The following RADIL variants were observed in gnomAD, a reference collection of about 807,000 sequenced individuals.
RADIL encodes the protein ras-associating and dilute domain-containing protein.
A neutral mutation model predicts 97.6 loss-of-function variants in RADIL; 99 were observed. The ratio of observed to expected loss-of-function variants is 1.01; its 90% confidence interval spans 0.86 to 1.20. The LOEUF is 1.20. RADIL is among the 50% of genes most tolerant of loss of function. RADIL has a pLI of 0.00. For synonymous variants in RADIL, 803 were observed against 691.8 expected, an observed-to-expected ratio of 1.16 and a Z score of -2.52; for missense variants, 1,765 against 1,498.9, an observed-to-expected ratio of 1.18 and a Z score of -2.93.
At chr7:4,808,578 A>C (rs916461172) in intron 9 of RADIL, 22 of 977,078 alleles carry the variant, frequency 2.3e-5, no homozygotes, top group Non-Finnish European at 2.7e-5. Flanking sequence ...GCGGCCGCAA[A>C]GCCCGAAGTC....
At chr7:4,809,084 G>A in intron 9 of RADIL, 1 of 982,428 alleles carries the variant, frequency 1.0e-6, no homozygotes, top group Non-Finnish European at 1.2e-6. Context: ...CGCGTCTCCT[G>A]TAGACGCTCT....
rs140550004 is a variant in RADIL, at chr7:4,801,572, G to A, written c.2842+81C>T. ...TAAGGAAACCTAGGACCCAAGGGGG[G>A]AACGATCCCAGGGGACCGGCCATCA... is the stretch of plus-strand genomic sequence containing the variant. On this transcript the variant is annotated intron_variant, in intron 12 of 14. Coordinates refer to ENST00000399583, the MANE Select transcript of RADIL (RefSeq NM_018059.5). 6.5e-4 allele frequency: 934 copies of A among 1,434,386 alleles called. 3 individuals are homozygous for A. The highest frequency in any genetic ancestry group is 4.7e-3 in the Middle Eastern group (19 of 4,072). 88.9% of individuals were successfully genotyped at this position (1,434,386 alleles called of 1,614,324 possible). A position where few individuals can be genotyped will look rare whatever the true frequency, so the allele number is the denominator to read the frequency against.
In RADIL at chr7:4,883,217, C is replaced by T. The variant is rs948944971; in HGVS notation, c.-65+379G>A. Among the ~76,000 whole-genome samples, 3 of 145,174 alleles carry T rather than the reference C, an allele frequency of 2.1e-5. No homozygotes were observed. Among genetic ancestry groups the T allele is most frequent in the Admixed American group, 1.3e-4 (2 of 15,076 alleles). Reference sequence around the variant, plus strand: ...CCCCCGCTGCGCGCCCCGGACGAAGCTCCCCCTCCAGGGCACAGCCGGGAA... The same window carrying T: ...CCCCCGCTGCGCGCCCCGGACGAAGTTCCCCCTCCAGGGCACAGCCGGGAA... On this transcript the variant is annotated intron_variant, in intron 1 of 14. Coordinates refer to ENST00000399583, the MANE Select transcript of RADIL (RefSeq NM_018059.5). This position sits in a 1 kb window ranked among gnomAD's most constrained non-coding sequence, Gnocchi z 7.1.
chr7:4,816,932 C>T lies in RADIL; in HGVS notation c.1728+307G>A, dbSNP rs140042089. 9.8e-3 allele frequency among the ~76,000 whole-genome samples: 1,498 copies of T among 152,292 alleles called. 27 individuals are homozygous for T. The highest frequency in any genetic ancestry group is 0.034 in the African/African-American group (1,431 of 41,564). ...CAACAGGGCCATGTCCCTTGCGCCCCATGCTGGGGCCTCCCCCACCTCATC... is the reference window on the plus strand; with the variant it reads ...CAACAGGGCCATGTCCCTTGCGCCCTATGCTGGGGCCTCCCCCACCTCATC... On this transcript the variant is annotated intron_variant, in intron 7 of 14. Coordinates refer to ENST00000399583, the MANE Select transcript of RADIL (RefSeq NM_018059.5).
In RADIL at chr7:4,876,880, C is replaced by T. The variant is rs373383479; in HGVS notation, c.535+725G>A. On this transcript the variant is annotated intron_variant, in intron 2 of 14. Coordinates refer to ENST00000399583, the MANE Select transcript of RADIL (RefSeq NM_018059.5). Reference sequence around the variant, plus strand: ...TGGAGACCTTGCAACCCGGCAATGCCACGTAGGTTTTGGCCTGGGACAGAT... The same window carrying T: ...TGGAGACCTTGCAACCCGGCAATGCTACGTAGGTTTTGGCCTGGGACAGAT... Among the ~76,000 whole-genome samples the T allele has an allele frequency of 2.4e-4, 37 of 152,342 alleles. No individual in the cohort carries two copies. In the East Asian group the frequency reaches 6.4e-3, roughly 26 times the overall value.
rs1392720878 is a variant in RADIL, at chr7:4,849,591, C to T, written c.536-12986G>A. Reference sequence around the variant, plus strand: ...TCCAAGGCATGAACATGCCTTCCAGCTGTTATCTGCAACAAACCTGCAGAC... The same window carrying T: ...TCCAAGGCATGAACATGCCTTCCAGTTGTTATCTGCAACAAACCTGCAGAC... On this transcript the variant is annotated intron_variant, in intron 2 of 14. Coordinates refer to ENST00000399583, the MANE Select transcript of RADIL (RefSeq NM_018059.5). This position sits in a 1 kb window ranked among gnomAD's most constrained non-coding sequence, Gnocchi z 5.4. Among the ~76,000 whole-genome samples, 1 of 152,172 alleles carries T rather than the reference C, an allele frequency of 6.6e-6. No individual in the cohort carries two copies. Among genetic ancestry groups the T allele is most frequent in the Non-Finnish European group, 1.5e-5 (1 of 68,038 alleles).
Position 4,817,017 on chromosome 7 carries a change from G to C in RADIL, c.1728+222C>G, listed in dbSNP as rs933152307. On this transcript the variant is annotated intron_variant, in intron 7 of 14. Transcript: ENST00000399583. The surrounding 1 kb of genome is among the most constrained non-coding windows in gnomAD (Gnocchi z 8.3). ...TTCAAGGCGAGGGAAAGGGAGCTGGGATGGTTCTAGGGCTTCTGTGCGACC... is the reference window on the plus strand; with the variant it reads ...TTCAAGGCGAGGGAAAGGGAGCTGGCATGGTTCTAGGGCTTCTGTGCGACC... Among the ~76,000 whole-genome samples, 6 of 152,198 alleles carry C rather than the reference G, an allele frequency of 3.9e-5. No individual in the cohort carries two copies. The highest frequency in any genetic ancestry group is 8.8e-5 in the Non-Finnish European group (6 of 68,030).
In RADIL at chr7:4,815,365, G is replaced by A. The variant is rs965317252; in HGVS notation, c.2052C>T (p.Ala684=). Residue 684 remains alanine (A), a synonymous_variant, in exon 9 of 15, where the codon GCC becomes GCT. Coordinates refer to ENST00000399583, the MANE Select transcript of RADIL (RefSeq NM_018059.5). This position sits in a 1 kb window ranked among gnomAD's most constrained non-coding sequence, Gnocchi z 8.0. The part of the protein sequence containing the change: ...LQQLLEWMRS[A]GFGAAGEHFF... ...AGTGCTCTCCAGCCGCCCCGAAGCC[G>A]GCGCTCCGCATCCACTCCAGGAGCT... is the stretch of plus-strand genomic sequence containing the variant. 2.1e-5 allele frequency: 33 copies of A among 1,559,926 alleles called. No homozygotes were observed. Among genetic ancestry groups the A allele is most frequent in the East Asian group, 1.4e-4 (6 of 42,650 alleles).
intron 9 of RADIL, among the ~76,000 whole-genome samples, chr7:4,807,766 C>T (rs1418275522): frequency 1.3e-5 from 1 of 76,716 alleles, no homozygotes; most frequent in Non-Finnish European, 2.6e-5. Flanking sequence ...TCTCCCCCTC[C>T]GTCTCTCTCC....
chr7:4,865,396 A>G (rs1784109056), intron 2 of RADIL: 1 of 634,686 alleles, frequency 1.6e-6, no homozygotes, highest in Non-Finnish European at 2.9e-6. Context: ...GTTTTATTCA[A>G]GAACTCATAC....
chr7:4,812,545 C>T (rs889629900), intron 9 of RADIL, among the ~76,000 whole-genome samples: 7 of 152,160 alleles, frequency 4.6e-5, no homozygotes, highest in Admixed American at 2.6e-4. Flanking sequence ...CCTCAGCCTC[C>T]CAAGTAGCTG....
rs978543370 is a variant in RADIL at position 4,837,113 on chromosome 7, C to T, written c.536-508G>A. Reference sequence around the variant, plus strand: ...CTCGAAAAACCAGACAGTGCCTTGGCACCACCGTGGCACCCACAGAACAGT... The same window carrying T: ...CTCGAAAAACCAGACAGTGCCTTGGTACCACCGTGGCACCCACAGAACAGT... On this transcript the variant is annotated intron_variant, in intron 2 of 14. Coordinates refer to ENST00000399583, the MANE Select transcript of RADIL (RefSeq NM_018059.5). The surrounding 1 kb of genome is among the most constrained non-coding windows in gnomAD (Gnocchi z 5.6). Among the ~76,000 whole-genome samples, 2 of 152,150 alleles carry T rather than the reference C, an allele frequency of 1.3e-5. No individual in the cohort carries two copies. Among genetic ancestry groups the T allele is most frequent in the Non-Finnish European group, 2.9e-5 (2 of 68,016 alleles).
intron 2 of RADIL, among the ~76,000 whole-genome samples, chr7:4,866,129 C>T (rs1237164915): frequency 8.6e-5 from 13 of 151,914 alleles, no homozygotes; most frequent in Admixed American, 2.0e-4. Context: ...TGTGTGTGTG[C>T]GTGTGCATGT....
chr7:4,823,489 G>T (rs529344427), intron 5 of RADIL, among the ~76,000 whole-genome samples: 137 of 152,196 alleles, frequency 9.0e-4, no homozygotes, highest in Non-Finnish European at 1.5e-3. Context: ...TATCCATGGG[G>T]TTCATTGTTA....
At position 4,867,397 on chromosome 7, in the gene RADIL, G is replaced by T. The variant is rs927741572; in HGVS notation, c.535+10208C>A. ...CCCAATTTGAGTGTCTGTGCTTAAG[G>T]AAATGAATATGTAGTATAGGCATAT... On this transcript the variant is annotated intron_variant, in intron 2 of 14. Coordinates refer to ENST00000399583, the MANE Select transcript of RADIL (RefSeq NM_018059.5). This position sits in a 1 kb window ranked among gnomAD's most constrained non-coding sequence, Gnocchi z 4.1. Among the ~76,000 whole-genome samples, 1 of 152,132 alleles carries T rather than the reference G, an allele frequency of 6.6e-6. No individual in the cohort carries two copies. The highest frequency in any genetic ancestry group is 1.5e-5 in the Non-Finnish European group (1 of 68,032).
chr7:4,839,669 A>C (rs1049378559), intron 2 of RADIL, among the ~76,000 whole-genome samples: 2 of 152,202 alleles, frequency 1.3e-5, no homozygotes, highest in African/African-American at 4.8e-5. Flanking sequence ...TATGATAAAA[A>C]TCTTTACCTG....
rs554155475 is a variant in RADIL, at chr7:4,883,377, G to A, written c.-65+219C>T. Among the ~76,000 whole-genome samples, 9 of 152,168 alleles carry A rather than the reference G, an allele frequency of 5.9e-5. No homozygotes were observed. In the South Asian group the frequency reaches 1.9e-3, roughly 32 times the overall value. ...GGGCCGCCCTTGCCCGCGCTAGCCG[G>A]CCTCCGGGTACCGCCCCCCGGTCCA... On this transcript the variant is annotated intron_variant, in intron 1 of 14. Coordinates refer to ENST00000399583, the MANE Select transcript of RADIL (RefSeq NM_018059.5). The surrounding 1 kb of genome is among the most constrained non-coding windows in gnomAD (Gnocchi z 7.1).
chr7:4,813,669 G>C lies in RADIL; in HGVS notation c.2139+1609C>G, dbSNP rs556997458. 2.0e-5 allele frequency among the ~76,000 whole-genome samples: 3 copies of C among 152,364 alleles called. No homozygotes were observed. The highest frequency in any genetic ancestry group is 3.9e-4 in the East Asian group (2 of 5,190). ...GGAAAAGCAACAGGAACTTCAGTCA[G>C]CTCTTTGTGGAGGCTCACTCTCTCC... On this transcript the variant is annotated intron_variant, in intron 9 of 14. Transcript: ENST00000399583. The surrounding 1 kb of genome is among the most constrained non-coding windows in gnomAD (Gnocchi z 5.0).
At chr7:4,838,931 T>TCGTGCACACATGCATGCACACGTGCACA (rs1783371961) in intron 2 of RADIL, among the ~76,000 whole-genome samples, 1 of 152,128 alleles carries the variant, frequency 6.6e-6, no homozygotes. Context: ...ACCCGTGCAC[T>TCGTGCACACATGCATGCACACGTGCACA]CGTGCACACA....
Sources: allele counts gnomAD v4.1 joint callset (sites outside exome capture counted in the v4.1 genomes callset), GRCh38; gene constraint gnomAD v4.1.1; non-coding constraint Gnocchi (gnomAD v3.1); transcripts MANE v1.5; gene names NCBI Gene and HGNC (gene_info 2026-07-23, HGNC 2026-07-21).